Variants in GAS2 observed in about 807,000 individuals in gnomAD.
The protein encoded by GAS2 is growth arrest specific 2.
In GAS2, 20 loss-of-function variants were observed where a neutral mutation model predicts 37.5. That is an observed-to-expected ratio of 0.53 (90% CI 0.37 to 0.77). The LOEUF is 0.77. Among genes scored for constraint, GAS2 ranks in the 30% least tolerant of loss-of-function variants. GAS2 has a pLI of 0.00. For missense variants in GAS2, 336 were observed against 373.4 expected, an observed-to-expected ratio of 0.90 and a Z score of 0.82; for synonymous variants, 144 against 132.2, an observed-to-expected ratio of 1.09 and a Z score of -0.61.
intron 4 of GAS2, among the ~76,000 whole-genome samples, chr11:22,734,095 C>T (rs1233272394): frequency 6.6e-6 from 1 of 151,670 alleles, no homozygotes; most frequent in Non-Finnish European, 1.5e-5. Context: ...TGATAGTTGC[C>T]TGTCTAATTA....
intron 3 of GAS2, among the ~76,000 whole-genome samples, chr11:22,690,472 G>A (rs1277473888): frequency 6.6e-6 from 1 of 152,092 alleles, no homozygotes; most frequent in East Asian, 1.9e-4. Context: ...ACTCTGCATG[G>A]GAGCAATGCA....
intron 6 of GAS2, among the ~76,000 whole-genome samples, chr11:22,754,729 C>T (rs1207479344): frequency 2.0e-5 from 3 of 151,918 alleles, no homozygotes; most frequent in African/African-American, 7.3e-5. Context: ...TCATGTTTTA[C>T]TCTCTGCACA....
At chr11:22,647,681 G>A (rs913395728) in intron 1 of GAS2, among the ~76,000 whole-genome samples, 1 of 152,206 alleles carries the variant, frequency 6.6e-6, no homozygotes, top group Non-Finnish European at 1.5e-5. Context: ...CAGTGATGAT[G>A]AGCATTTTTT....
rs1375644020 is a variant in GAS2 at position 22,726,295 on chromosome 11, C to A, written c.271C>A (p.Leu91Ile). ...SMDANKPTKNLPLKKIPCKTS... is the reference protein window; with the variant it reads ...SMDANKPTKNIPLKKIPCKTS... ...AACGAATTTCTTTATTTTTCAGAATCTACCGTTGAAGAAGATCCCATGCAA... is the reference window on the plus strand; with the variant it reads ...AACGAATTTCTTTATTTTTCAGAATATACCGTTGAAGAAGATCCCATGCAA... The change falls in exon 4 of 8, where the codon CTA (leucine) becomes ATA (isoleucine). Residue 91 changes from leucine to isoleucine, a missense_variant. Leu to Ile is a conservative substitution (Grantham distance 5). Transcript: ENST00000454584. 2.5e-6 allele frequency: 4 copies of A among 1,595,016 alleles called. No individual in the cohort carries two copies. In the South Asian group the frequency reaches 3.5e-5, roughly 14 times the overall value.
At chr11:22,705,715 A>T (rs1190655911) in intron 3 of GAS2, among the ~76,000 whole-genome samples, 4 of 152,208 alleles carry the variant, frequency 2.6e-5, no homozygotes, top group Non-Finnish European at 5.9e-5. Flanking sequence ...AGGGCAAAAT[A>T]TTGGATGCTC....
At chr11:22,626,257 G>C in intron 1 of GAS2, 1 of 217,510 alleles carries the variant, frequency 4.6e-6, no homozygotes, top group South Asian at 6.4e-5. Flanking sequence ...AGATCTATTT[G>C]AGAAACATGT....
chr11:22,811,965 T>A lies in GAS2; in HGVS notation c.891T>A (p.Asp297Glu), dbSNP rs770795182. The part of the protein sequence containing the change: ...KSPTLKDMNP[D>E]NYLVVSASYK... ...CAACTCTAAAGGACATGAATCCAGA[T>A]AACTACTTGGTGGTCTCTGCCAGTT... Residue 297 changes from aspartate (D) to glutamate (E), a missense_variant, in exon 8 of 8, where the codon GAT becomes GAA. Coordinates refer to ENST00000454584, the MANE Select transcript of GAS2 (RefSeq NM_001143830.3). The A allele has an allele frequency of 1.2e-6, 2 of 1,614,102 alleles. No individual in the cohort carries two copies. Among genetic ancestry groups the A allele is most frequent in the Non-Finnish European group, 1.7e-6 (2 of 1,179,992 alleles).
At chr11:22,772,885 C>A (rs1372367480) in intron 7 of GAS2, among the ~76,000 whole-genome samples, 1 of 152,170 alleles carries the variant, frequency 6.6e-6, no homozygotes, top group Non-Finnish European at 1.5e-5. Context: ...ATGCTTCCTG[C>A]ATTTCTCACA....
intron 1 of GAS2, among the ~76,000 whole-genome samples, chr11:22,674,309 A>G (rs763634678): frequency 6.6e-6 from 1 of 151,772 alleles, no homozygotes; most frequent in African/African-American, 2.4e-5. Context: ...CCTGCTTCTC[A>G]CCCAGTTCTC....
At chr11:22,808,898 T>C (rs747248418) in intron 7 of GAS2, among the ~76,000 whole-genome samples, 4 of 152,174 alleles carry the variant, frequency 2.6e-5, no homozygotes, top group Non-Finnish European at 4.4e-5. Flanking sequence ...AATATGAATA[T>C]GTGGATGAAA....
intron 7 of GAS2, among the ~76,000 whole-genome samples, chr11:22,807,531 C>T (rs1424947627): frequency 6.6e-6 from 1 of 152,146 alleles, no homozygotes; most frequent in East Asian, 1.9e-4. Flanking sequence ...CAGCTCACGC[C>T]TTTGGAGAAA....
chr11:22,790,086 AAC>A (rs1236572462), intron 7 of GAS2, among the ~76,000 whole-genome samples: 1 of 152,104 alleles, frequency 6.6e-6, no homozygotes, highest in African/African-American at 2.4e-5. Context: ...CTACCTACCT[AAC>A]ACATGTTACA....
chr11:22,641,594 T>A (rs1358725021), intron 1 of GAS2, among the ~76,000 whole-genome samples: 3 of 151,742 alleles, frequency 2.0e-5, no homozygotes, highest in Non-Finnish European at 2.9e-5. Context: ...GGCCTCCTGA[T>A]GTTGCTAATT....
chr11:22,662,405 G>A (rs111733839), upstream of GAS2, among the ~76,000 whole-genome samples: 51 of 152,172 alleles, frequency 3.4e-4, no homozygotes, highest in African/African-American at 1.2e-3. Context: ...CCAATTAGTT[G>A]TATATTTTCT....
chr11:22,756,327 T>C (rs548988282), intron 7 of GAS2, among the ~76,000 whole-genome samples: 1 of 151,944 alleles, frequency 6.6e-6, no homozygotes, highest in Admixed American at 6.6e-5. Flanking sequence ...AAATGAAAAA[T>C]AGAGATACAT....
chr11:22,738,822 A>G (rs756847934), intron 5 of GAS2, among the ~76,000 whole-genome samples: 2 of 152,222 alleles, frequency 1.3e-5, no homozygotes, highest in Non-Finnish European at 2.9e-5. Flanking sequence ...TATAATCTTC[A>G]TGAATTGTGC....
At chr11:22,751,031 C>G (rs1455056943) in intron 6 of GAS2, among the ~76,000 whole-genome samples, 1 of 151,948 alleles carries the variant, frequency 6.6e-6, no homozygotes, top group Non-Finnish European at 1.5e-5. Context: ...AAATGCATCT[C>G]TACAACATTT....
intron 7 of GAS2, among the ~76,000 whole-genome samples, chr11:22,757,674 AT>A (rs1315608983): frequency 6.6e-6 from 1 of 152,216 alleles, no homozygotes; most frequent in Non-Finnish European, 1.5e-5. Flanking sequence ...CAATTTTACT[AT>A]TTTTATAACA....
At chr11:22,806,385 T>C (rs1856888598) in intron 7 of GAS2, among the ~76,000 whole-genome samples, 1 of 152,208 alleles carries the variant, frequency 6.6e-6, no homozygotes, top group Non-Finnish European at 1.5e-5. Context: ...TCTTGGCTAT[T>C]GTGAATAGTG....
Sources: gnomAD v4.1 joint callset for allele counts (sites outside exome capture counted in the v4.1 genomes callset) on GRCh38, gnomAD v4.1.1 for gene constraint, MANE v1.5 for transcripts, NCBI Gene and HGNC (gene_info 2026-07-23, HGNC 2026-07-21) for gene names.